The following MBOAT1 variants were observed in gnomAD, a reference collection of about 807,000 sequenced individuals.
The protein encoded by MBOAT1 is membrane bound glycerophospholipid O-acyltransferase 1, also known as membrane-bound glycerophospholipid O-acyltransferase 1.
MBOAT1 carries 67 observed loss-of-function variants against 64.4 expected under a neutral mutation model. That is an observed-to-expected ratio of 1.04 (90% CI 0.85 to 1.27). The LOEUF (loss-of-function observed/expected upper bound fraction) is 1.27. MBOAT1 is among the 50% of genes most tolerant of loss of function. The pLI is 0.00. For synonymous variants in MBOAT1, 229 were observed against 218.9 expected, an observed-to-expected ratio of 1.05 and a Z score of -0.41; for missense variants, 563 against 604.6, an observed-to-expected ratio of 0.93 and a Z score of 0.72.
At chr6:20,111,877 T>TACATATATATATACATATATATCC (rs1204943478) in intron 11 of MBOAT1, among the ~76,000 whole-genome samples, 1 of 136,902 alleles carries the variant, frequency 7.3e-6, no homozygotes, top group Non-Finnish European at 1.5e-5. Context: ...TACATATATA[T>TACATATATATATACATATATATCC]ATGTATATAT....
chr6:20,147,834 A>T (rs556391511), intron 3 of MBOAT1, among the ~76,000 whole-genome samples: 3 of 152,354 alleles, frequency 2.0e-5, no homozygotes, highest in South Asian at 2.1e-4. Context: ...TTAAATAAAA[A>T]ATTAAATGAT....
intron 1 of MBOAT1, among the ~76,000 whole-genome samples, chr6:20,178,876 C>T (rs888872608): frequency 6.6e-6 from 1 of 151,680 alleles, no homozygotes; most frequent in African/African-American, 2.4e-5. Flanking sequence ...ATCAGAAGAT[C>T]GTATTAATGA....
intron 1 of MBOAT1, among the ~76,000 whole-genome samples, chr6:20,186,851 G>A (rs118002992): frequency 6.6e-6 from 1 of 152,136 alleles, no homozygotes; most frequent in East Asian, 1.9e-4. Context: ...AATTTAACAG[G>A]TTCTACACTC....
chr6:20,145,686 C>T (rs1427816299), intron 3 of MBOAT1, among the ~76,000 whole-genome samples: 2 of 152,218 alleles, frequency 1.3e-5, no homozygotes, highest in Non-Finnish European at 2.9e-5. Flanking sequence ...GTTTACCTTA[C>T]TCTCAAATGA....
In MBOAT1 at chr6:20,124,673, T is replaced by A. The variant is rs1760600951; in HGVS notation, c.715-73A>T. On this transcript the variant is annotated intron_variant, in intron 7 of 12. Coordinates refer to ENST00000324607, the MANE Select transcript of MBOAT1 (RefSeq NM_001080480.3). ...GAAGAAAACAGCTTTGGAATGGACC[T>A]GTTAAGGACAACGTTGCTCCAACAG... is the stretch of plus-strand genomic sequence containing the variant. 2.9e-6 allele frequency: 4 copies of A among 1,401,626 alleles called. 1 individual carries two copies. Among genetic ancestry groups the A allele is most frequent in the Non-Finnish European group, 9.9e-7 (1 of 1,011,414 alleles). The allele number at this position is 1,401,626 out of a possible 1,614,324, so 86.8% of individuals were successfully genotyped here.
intron 1 of MBOAT1, among the ~76,000 whole-genome samples, chr6:20,169,940 C>A (rs1410559197): frequency 6.6e-6 from 1 of 152,192 alleles, no homozygotes; most frequent in Non-Finnish European, 1.5e-5. Flanking sequence ...CGACTATCTC[C>A]TTTCTTGCAA....
intron 1 of MBOAT1, among the ~76,000 whole-genome samples, chr6:20,211,436 CA>C (rs1225225175): frequency 9.2e-5 from 14 of 152,184 alleles, no homozygotes; most frequent in Admixed American, 9.2e-4. Flanking sequence ...GCTTCATCTT[CA>C]GGAAGGTTTC....
chr6:20,127,570 T>C (rs1389245870), intron 6 of MBOAT1, among the ~76,000 whole-genome samples: 5 of 152,118 alleles, frequency 3.3e-5, no homozygotes, highest in South Asian at 4.1e-4. Context: ...TAGATTCTCA[T>C]AGGAGTGCAA....
At chr6:20,117,213 C>G (rs13195573) in intron 9 of MBOAT1, among the ~76,000 whole-genome samples, 1 of 152,194 alleles carries the variant, frequency 6.6e-6, no homozygotes, top group African/African-American at 2.4e-5. Context: ...TCTGCCAAGG[C>G]TTTCCACCCA....
rs1759746556 is a variant in MBOAT1 at position 20,099,980 on chromosome 6, T to A, written c.*2306A>T. On this transcript the variant is annotated 3_prime_UTR_variant, in exon 13 of 13. Transcript: ENST00000324607. ...CCAGGGCCTAACACCAAGTCTGACA[T>A]ATAGCATCCATAAGCTCAACTCCTA... is the stretch of plus-strand genomic sequence containing the variant. Among the ~76,000 whole-genome samples, 1 of 152,194 alleles carries A rather than the reference T, an allele frequency of 6.6e-6. No homozygotes were observed. Among genetic ancestry groups the A allele is most frequent in the Non-Finnish European group, 1.5e-5 (1 of 68,048 alleles).
At chr6:20,178,243 TTC>T (rs1325231761) in intron 1 of MBOAT1, among the ~76,000 whole-genome samples, 4 of 152,192 alleles carry the variant, frequency 2.6e-5, no homozygotes, top group Non-Finnish European at 5.9e-5. Flanking sequence ...TTTTTTCTAT[TTC>T]TGTTTTACAT....
chr6:20,162,004 C>A (rs1761879520), intron 1 of MBOAT1, among the ~76,000 whole-genome samples: 1 of 152,134 alleles, frequency 6.6e-6, no homozygotes, highest in Non-Finnish European at 1.5e-5. Context: ...CTCCAGATGG[C>A]CGTCTTCTCC....
chr6:20,167,260 A>G (rs1043708759), intron 1 of MBOAT1, among the ~76,000 whole-genome samples: 2 of 152,228 alleles, frequency 1.3e-5, no homozygotes, highest in African/African-American at 2.4e-5. Context: ...ACTGGTAAAT[A>G]TATGTCTATA....
intron 1 of MBOAT1, among the ~76,000 whole-genome samples, chr6:20,208,351 C>G (rs1763319910): frequency 6.6e-6 from 1 of 150,856 alleles, no homozygotes; most frequent in Non-Finnish European, 1.5e-5. Flanking sequence ...GAGACTGAGG[C>G]AGGAGAATCA....
chr6:20,188,905 A>G (rs896764007), intron 1 of MBOAT1, among the ~76,000 whole-genome samples: 1 of 152,250 alleles, frequency 6.6e-6, no homozygotes, highest in East Asian at 1.9e-4. Context: ...AAAGAACTCA[A>G]CCAAGGACCC....
chr6:20,164,174 TACACAC>T (rs35199956), intron 1 of MBOAT1, among the ~76,000 whole-genome samples: 5,779 of 147,518 alleles, frequency 0.039, 366 homozygotes, highest in African/African-American at 0.13. Flanking sequence ...TATGTGCATG[TACACAC>T]ACACACACAC....
At chr6:20,178,780 C>T (rs1762426524) in intron 1 of MBOAT1, among the ~76,000 whole-genome samples, 1 of 152,174 alleles carries the variant, frequency 6.6e-6, no homozygotes, top group Admixed American at 6.5e-5. Flanking sequence ...GACAAGCACA[C>T]CATGGGATGC....
At chr6:20,106,711 C>T (rs770634240) in intron 12 of MBOAT1, among the ~76,000 whole-genome samples, 5 of 152,124 alleles carry the variant, frequency 3.3e-5, no homozygotes, top group Non-Finnish European at 5.9e-5. Context: ...CATGAGCCAC[C>T]GCGCCCGACC....
intron 9 of MBOAT1, among the ~76,000 whole-genome samples, chr6:20,115,995 G>A (rs115715917): frequency 6.8e-5 from 10 of 146,918 alleles, no homozygotes; most frequent in African/African-American, 1.0e-4. Context: ...TTTCTCATTA[G>A]AAAAAAAAAA....
Sources: allele counts gnomAD v4.1 joint callset (sites outside exome capture counted in the v4.1 genomes callset), GRCh38; gene constraint gnomAD v4.1.1; transcripts MANE v1.5; gene names NCBI Gene and HGNC (gene_info 2026-07-23, HGNC 2026-07-21).